The following NEBL variants were observed in gnomAD, a reference collection of about 807,000 sequenced individuals.
NEBL encodes the protein LIM and SH3 protein 2.
NEBL carries 122 observed loss-of-function variants against 140.2 expected under a neutral mutation model. The observed-to-expected ratio is 0.87, with a 90% CI of 0.75 to 1.01. The LOEUF is 1.01. NEBL is among the 50% of genes least tolerant of loss of function. NEBL has a pLI of 0.00. For synonymous variants in NEBL, 436 were observed against 398.9 expected, an observed-to-expected ratio of 1.09 and a Z score of -1.11; for missense variants, 1,365 against 1,231.3, an observed-to-expected ratio of 1.11 and a Z score of -1.62.
chr10:20,849,184 C>A (rs1842252159), intron 11 of NEBL, among the ~76,000 whole-genome samples: 1 of 151,946 alleles, frequency 6.6e-6, no homozygotes, highest in Non-Finnish European at 1.5e-5. Context: ...CCTTGTGTGT[C>A]TGATCCTGAA....
At chr10:21,266,932 A>G (rs1842802967) in intron 1 of NEBL, among the ~76,000 whole-genome samples, 1 of 151,890 alleles carries the variant, frequency 6.6e-6, no homozygotes, top group African/African-American at 2.4e-5. Context: ...GTGCACCACC[A>G]TGACTGGATA....
At chr10:21,063,807 T>C (rs143667598) in intron 2 of NEBL, among the ~76,000 whole-genome samples, 2 of 152,182 alleles carry the variant, frequency 1.3e-5, no homozygotes, top group Non-Finnish European at 2.9e-5. Context: ...GAGGCGGAGC[T>C]TGTAGTGAGC....
At chr10:21,109,041 T>C (rs546359528) in intron 2 of NEBL, among the ~76,000 whole-genome samples, 4 of 152,284 alleles carry the variant, frequency 2.6e-5, no homozygotes, top group East Asian at 3.9e-4. Flanking sequence ...CTATGTTGAA[T>C]AGGAGTGGGG....
chr10:21,231,381 A>T (rs928577953), intron 3 of NEBL, among the ~76,000 whole-genome samples: 3 of 152,092 alleles, frequency 2.0e-5, no homozygotes, highest in Non-Finnish European at 4.4e-5. Flanking sequence ...CTCTACTAAA[A>T]ATGCAAAAAT....
chr10:20,903,530 A>G (rs1254036118), intron 4 of NEBL, among the ~76,000 whole-genome samples: 1 of 152,178 alleles, frequency 6.6e-6, no homozygotes, highest in African/African-American at 2.4e-5. Context: ...TACCCAAAAG[A>G]AAAGAAGTCC....
chr10:21,167,568 T>C (rs987270237), intron 2 of NEBL, among the ~76,000 whole-genome samples: 2 of 152,222 alleles, frequency 1.3e-5, no homozygotes, highest in African/African-American at 2.4e-5. Context: ...CAATGCTACT[T>C]CTAAGTGGTA....
intron 2 of NEBL, chr10:21,113,107 A>G: frequency 4.1e-6 from 1 of 241,674 alleles, no homozygotes; most frequent in South Asian, 5.2e-5. Flanking sequence ...AAGAAGGAGG[A>G]GGCGGAGGAA....
At chr10:21,074,599 TC>T (rs1835978194) in intron 2 of NEBL, among the ~76,000 whole-genome samples, 1 of 150,002 alleles carries the variant, frequency 6.7e-6, no homozygotes, top group Non-Finnish European at 1.5e-5. Context: ...TGCCTCAGCC[TC>T]CCTAGTAGCT....
At chr10:21,072,116 C>T (rs1050033358) in intron 2 of NEBL, among the ~76,000 whole-genome samples, 3 of 152,104 alleles carry the variant, frequency 2.0e-5, no homozygotes, top group Admixed American at 6.6e-5. Flanking sequence ...CCGTGCCTGG[C>T]CCATTGGTTT....
chr10:21,118,288 C>CA (rs1838375521), intron 2 of NEBL, among the ~76,000 whole-genome samples: 1 of 152,176 alleles, frequency 6.6e-6, no homozygotes, highest in Admixed American at 6.6e-5. Context: ...CAGTCAGGAT[C>CA]AAAGTGTCAC....
intron 19 of NEBL, among the ~76,000 whole-genome samples, chr10:20,820,551 T>C (rs1426524776): frequency 6.6e-6 from 1 of 152,044 alleles, no homozygotes; most frequent in Non-Finnish European, 1.5e-5. Flanking sequence ...TGAGGTCGGG[T>C]TTGGTGGCTC....
intron 3 of NEBL, among the ~76,000 whole-genome samples, chr10:21,004,736 C>G (rs1268997661): frequency 1.3e-5 from 2 of 151,930 alleles, no homozygotes; most frequent in Non-Finnish European, 2.9e-5. Flanking sequence ...AAAAGAATCA[C>G]CTGGAGAATT....
chr10:20,888,546 C>A (rs1484450040), intron 3 of NEBL, among the ~76,000 whole-genome samples: 1 of 152,190 alleles, frequency 6.6e-6, no homozygotes. Flanking sequence ...CCAGAAAATG[C>A]AAGTCGTTAG....
intron 5 of NEBL, among the ~76,000 whole-genome samples, chr10:20,879,361 T>G (rs1489524107): frequency 1.3e-5 from 2 of 152,202 alleles, no homozygotes; most frequent in Non-Finnish European, 2.9e-5. Context: ...ATTATGATTA[T>G]TACAGTCATC....
In NEBL at chr10:21,164,729, C is replaced by T. The variant is rs79839401; in HGVS notation, c.164+7654G>A. 6.8e-3 allele frequency among the ~76,000 whole-genome samples: 1,032 copies of T among 152,274 alleles called. 11 individuals are homozygous for T. Among genetic ancestry groups the T allele is most frequent in the African/African-American group, 0.023 (963 of 41,548 alleles). ...ACCAAAATGCATTAGATGTTGCCAA[C>T]GGTCCAATACGGTGACTGAGAACCA... On this transcript the variant is annotated intron_variant, in intron 2 of 6. Coordinates refer to the NEBL transcript ENST00000417816.
intron 3 of NEBL, among the ~76,000 whole-genome samples, chr10:20,985,581 A>G (rs536925286): frequency 6.6e-6 from 1 of 152,288 alleles, no homozygotes; most frequent in East Asian, 1.9e-4. Flanking sequence ...CCGACAAACC[A>G]GTCACATTGC....
At chr10:21,012,175 G>A (rs1838366633) in intron 3 of NEBL, among the ~76,000 whole-genome samples, 1 of 151,970 alleles carries the variant, frequency 6.6e-6, no homozygotes, top group South Asian at 2.1e-4. Context: ...AATCTACCAT[G>A]GCCAGAAGTG....
intron 2 of NEBL, chr10:21,172,019 A>G (rs1052665918): frequency 3.4e-6 from 1 of 290,602 alleles, no homozygotes; most frequent in African/African-American, 2.2e-5. Flanking sequence ...GCAACATCCT[A>G]TGATTAAAAT....
At chr10:21,050,210 T>C (rs1834711693) in intron 2 of NEBL, among the ~76,000 whole-genome samples, 1 of 152,248 alleles carries the variant, frequency 6.6e-6, no homozygotes, top group Non-Finnish European at 1.5e-5. Flanking sequence ...AGATACGTGC[T>C]GATAAATTCT....
Sources: gnomAD v4.1 joint callset for allele counts (sites outside exome capture counted in the v4.1 genomes callset) on GRCh38, gnomAD v4.1.1 for gene constraint, MANE v1.5 for transcripts, NCBI Gene and HGNC (gene_info 2026-07-23, HGNC 2026-07-21) for gene names.